Variants in VNN1 observed in about 807,000 individuals in gnomAD.
The protein encoded by VNN1 is vanin 1.
A neutral mutation model predicts 41.9 loss-of-function variants in VNN1; 29 were observed. The observed-to-expected ratio is 0.69, with a 90% CI of 0.52 to 0.94. The LOEUF (loss-of-function observed/expected upper bound fraction) is 0.94, where lower values mean the gene tolerates loss of function less well. VNN1 is among the 40% of genes least tolerant of loss of function. The probability of loss-of-function intolerance (pLI) is 0.00; values close to 1 mark genes in which losing one functional copy is unlikely to be tolerated. For synonymous variants in VNN1, 233 were observed against 224.4 expected, an observed-to-expected ratio of 1.04 and a Z score of -0.34; for missense variants, 637 against 621.1, an observed-to-expected ratio of 1.03 and a Z score of -0.27.
At chr6:132,703,845 C>A (rs1318199616) in intron 2 of VNN1, among the ~76,000 whole-genome samples, 1 of 151,868 alleles carries the variant, frequency 6.6e-6, no homozygotes, top group East Asian at 1.9e-4. Context: ...CACACACAGA[C>A]AGAAAATAAA....
intron 5 of VNN1, among the ~76,000 whole-genome samples, chr6:132,685,861 A>G (rs1778199546): frequency 6.6e-6 from 1 of 152,208 alleles, no homozygotes; most frequent in Admixed American, 6.5e-5. Flanking sequence ...GGTAAAGTGG[A>G]TGGTCTTTAG....
chr6:132,682,733 GCAAA>G lies in VNN1; in HGVS notation c.*403_*406del, dbSNP rs1778143992. The G allele has an allele frequency of 6.5e-6, 1 of 153,186 alleles. No individual in the cohort carries two copies. Among genetic ancestry groups the G allele is most frequent in the South Asian group, 2.1e-4 (1 of 4,864 alleles). 9.5% of individuals were successfully genotyped at this position (153,186 alleles called of 1,614,324 possible). A position where few individuals can be genotyped will look rare whatever the true frequency, so the allele number is the denominator to read the frequency against. ...ATTGTTTAGGTAAAAAACAAAAAGA[GCAAA>G]CAAACAAAGTCATTGGAAATTTTCA... On this transcript the variant is annotated 3_prime_UTR_variant, in exon 7 of 7. Transcript: ENST00000367928.
chr6:132,698,623 G>A (rs1294083675), intron 2 of VNN1, among the ~76,000 whole-genome samples: 1 of 152,186 alleles, frequency 6.6e-6, no homozygotes, highest in African/African-American at 2.4e-5. Flanking sequence ...AGAGCAATAT[G>A]ATCTTGGTGG....
At chr6:132,713,558 T>C (rs1404499142) in intron 1 of VNN1, among the ~76,000 whole-genome samples, 2 of 152,218 alleles carry the variant, frequency 1.3e-5, no homozygotes, top group Admixed American at 1.3e-4. Flanking sequence ...GGAACAAAGA[T>C]GTTGAATTTA....
At chr6:132,706,593 T>G (rs192557565) in intron 2 of VNN1, among the ~76,000 whole-genome samples, 5 of 152,306 alleles carry the variant, frequency 3.3e-5, no homozygotes, top group African/African-American at 1.2e-4. Flanking sequence ...GACATTGGTC[T>G]GGACAAAGAT....
In VNN1 at chr6:132,684,425, T is replaced by C; in HGVS notation, c.1269A>G (p.Glu423=). ...CGAAAGTGCCACTGAGGGAGAACAT[T>C]TCAAACCTGGTAGAAGCTGTTTCAG... The part of the protein sequence containing the change: ...DSAETASTRF[E]MFSLSGTFGT... The change falls in exon 6 of 7, where the codon GAA becomes GAG. Residue 423 remains glutamate (E), a synonymous_variant. Transcript: ENST00000367928. The C allele has an allele frequency of 1.9e-6, 3 of 1,614,026 alleles. No individual in the cohort carries two copies. The highest frequency in any genetic ancestry group is 2.5e-6 in the Non-Finnish European group (3 of 1,179,954).
chr6:132,693,267 C>T lies in VNN1; in HGVS notation c.583G>A (p.Glu195Lys), dbSNP rs368964589. 1 of 1,613,946 alleles carries T rather than the reference C, an allele frequency of 6.2e-7. No individual in the cohort carries two copies. The highest frequency in any genetic ancestry group is 1.1e-5 in the South Asian group (1 of 91,042). The change falls in exon 4 of 7, where the codon GAG becomes AAG. Residue 195 changes from glutamate (E) to lysine (K), a missense_variant. Glu to Lys is a moderately conservative substitution (Grantham distance 56, BLOSUM62 1). Transcript: ENST00000367928. ...AAGGTGGTATTGAAAGTCACAATCTCAGGCTCCTTGGGTACATTGAATTGA... is the reference window on the plus strand; with the variant it reads ...AAGGTGGTATTGAAAGTCACAATCTTAGGCTCCTTGGGTACATTGAATTGA... ...ENQFNVPKEP[E>K]IVTFNTTFGS...
intron 5 of VNN1, among the ~76,000 whole-genome samples, chr6:132,686,209 G>C (rs1778204349): frequency 6.6e-6 from 1 of 152,194 alleles, no homozygotes; most frequent in Non-Finnish European, 1.5e-5. Flanking sequence ...CACTTTGGGA[G>C]GCCGAGGCAG....
At chr6:132,692,958 AC>A (rs765549303) in intron 4 of VNN1, 65 bp downstream of exon 4, 35 of 1,487,128 alleles carry the variant, frequency 2.4e-5, no homozygotes, top group Non-Finnish European at 3.0e-5. Context: ...AGCTAGAAAA[AC>A]ATGTTTTTTT....
chr6:132,701,730 A>G (rs1778451588), intron 2 of VNN1, among the ~76,000 whole-genome samples: 1 of 152,240 alleles, frequency 6.6e-6, no homozygotes, highest in Non-Finnish European at 1.5e-5. Context: ...TTTTAAAATC[A>G]TATCAAGGAA....
chr6:132,692,089 A>T, intron 5 of VNN1, 134 bp downstream of exon 5: 1 of 1,066,130 alleles, frequency 9.4e-7, no homozygotes, highest in Non-Finnish European at 1.3e-6. Context: ...ATAAACAACA[A>T]AATTTTTAGC....
chr6:132,692,248 G>T lies in VNN1; in HGVS notation c.1163C>A (p.Thr388Asn). ...YALGAFDGLH[T>N]VEGRYYLQIC... ...CTGTAGATAATAGCGCCCTTCCACA[G>T]TGTGCAGTCCGTCAAATGCCCCTAG... The change falls in exon 5 of 7, where the codon ACT (threonine) becomes AAT (asparagine). Residue 388 changes from threonine (T) to asparagine (N), a missense_variant. Physicochemically the swap from Thr to Asn is moderately conservative, Grantham distance 65. Coordinates refer to ENST00000367928, the MANE Select transcript of VNN1 (RefSeq NM_004666.3). 6.2e-7 allele frequency: 1 copy of T among 1,600,414 alleles called. No homozygotes were observed.
rs145303622 is a variant in VNN1 at position 132,713,920 on chromosome 6, G to A, written c.116C>T (p.Ala39Val). Residue 39 changes from alanine (A) to valine (V), a missense_variant, in exon 1 of 7, where the codon GCC becomes GTC. By Grantham distance (64) the Ala-to-Val change is moderately conservative (BLOSUM62 0). Coordinates refer to ENST00000367928, the MANE Select transcript of VNN1 (RefSeq NM_004666.3). ...CTCACGAGACACTGGTGTTAGGGTG[G>A]CATTGGGCAATATCGCTGCATGCTC... ...VYEHAAILPN[A>V]TLTPVSREEA... is the part of the protein sequence containing the mutation. The A allele has an allele frequency of 3.6e-5, 58 of 1,613,974 alleles. No individual in the cohort carries two copies. The highest frequency in any genetic ancestry group is 4.3e-5 in the Non-Finnish European group (51 of 1,180,034).
intron 2 of VNN1, among the ~76,000 whole-genome samples, chr6:132,696,630 T>C (rs1018123482): frequency 6.6e-6 from 1 of 151,982 alleles, no homozygotes; most frequent in Non-Finnish European, 1.5e-5. Flanking sequence ...ATCAATAACT[T>C]TGGAGACCAC....
At chr6:132,701,447 G>T (rs1304044561) in intron 2 of VNN1, among the ~76,000 whole-genome samples, 5 of 152,146 alleles carry the variant, frequency 3.3e-5, no homozygotes, top group African/African-American at 1.2e-4. Context: ...ACATCCTATG[G>T]AATGGGGAAA....
At chr6:132,695,196 G>A (rs1441735824) in intron 2 of VNN1, among the ~76,000 whole-genome samples, 1 of 152,062 alleles carries the variant, frequency 6.6e-6, no homozygotes, top group African/African-American at 2.4e-5. Context: ...TTTAGAGGTA[G>A]AGGGATGCTG....
chr6:132,702,181 A>C (rs1325175601), intron 2 of VNN1, among the ~76,000 whole-genome samples: 1 of 152,214 alleles, frequency 6.6e-6, no homozygotes, highest in African/African-American at 2.4e-5. Context: ...GCACAGTAGG[A>C]GATGAGTGAC....
intron 2 of VNN1, among the ~76,000 whole-genome samples, chr6:132,703,833 GAC>G (rs1778481744): frequency 6.6e-6 from 1 of 152,058 alleles, no homozygotes. Context: ...CACTTATAAA[GAC>G]ACACACAGAC....
intron 2 of VNN1, among the ~76,000 whole-genome samples, chr6:132,697,131 T>TA (rs1778386594): frequency 4.3e-5 from 6 of 139,566 alleles, no homozygotes; most frequent in African/African-American, 1.7e-4. Context: ...TAAAAATATT[T>TA]TAAAAAAAGA....
Sources: gnomAD v4.1 joint callset for allele counts (sites outside exome capture counted in the v4.1 genomes callset) on GRCh38, gnomAD v4.1.1 for gene constraint, MANE v1.5 for transcripts, NCBI Gene and HGNC (gene_info 2026-07-23, HGNC 2026-07-21) for gene names.